UBE2H: variants seen among roughly 807,000 people sequenced by gnomAD.
UBE2H encodes ubiquitin conjugating enzyme E2 H.
In UBE2H, 3 loss-of-function variants were observed where a neutral mutation model predicts 29.0. The observed-to-expected ratio is 0.10, with a 90% CI of 0.05 to 0.27. The LOEUF (loss-of-function observed/expected upper bound fraction) is 0.27. Ranked by LOEUF, UBE2H falls within the 10% of genes least tolerant of loss-of-function variation. UBE2H has a pLI of 1.00. For synonymous variants in UBE2H, 69 were observed against 82.9 expected, an observed-to-expected ratio of 0.83 and a Z score of 0.91; for missense variants, 68 against 228.2, an observed-to-expected ratio of 0.30 and a Z score of 4.52.
chr7:129,938,998 C>G (rs955208676), intron 1 of UBE2H, among the ~76,000 whole-genome samples: 5 of 152,026 alleles, frequency 3.3e-5, no homozygotes, highest in Admixed American at 3.3e-4. Flanking sequence ...GGGGCTTCAC[C>G]ATGTTGGCCA....
At chr7:129,875,707 CT>C (rs1806132547) in intron 3 of UBE2H, among the ~76,000 whole-genome samples, 1 of 152,064 alleles carries the variant, frequency 6.6e-6, no homozygotes, top group Non-Finnish European at 1.5e-5. Context: ...AAAAATTACT[CT>C]GTATTACCCT....
intron 3 of UBE2H, among the ~76,000 whole-genome samples, chr7:129,877,513 A>C (rs1806169143): frequency 6.6e-6 from 1 of 152,186 alleles, no homozygotes; most frequent in Non-Finnish European, 1.5e-5. Flanking sequence ...TCTCTTATGC[A>C]ACCTTCCTCT....
At chr7:129,903,806 T>C (rs909958019) in intron 1 of UBE2H, among the ~76,000 whole-genome samples, 2 of 152,034 alleles carry the variant, frequency 1.3e-5, no homozygotes, top group Non-Finnish European at 2.9e-5. Context: ...CTGAGAAGGC[T>C]GAAATGGGAG....
intron 6 of UBE2H, among the ~76,000 whole-genome samples, chr7:129,836,234 G>A (rs115374457): frequency 3.9e-5 from 6 of 152,230 alleles, no homozygotes; most frequent in South Asian, 2.1e-4. Context: ...ACTATTTTGC[G>A]TCTTCCTTTG....
intron 1 of UBE2H, among the ~76,000 whole-genome samples, chr7:129,916,905 C>T (rs1308136098): frequency 5.3e-5 from 8 of 152,014 alleles, no homozygotes; most frequent in African/African-American, 1.2e-4. Flanking sequence ...GGAGTGGTGG[C>T]GGGCGCCTGT....
chr7:129,883,378 C>T (rs182057873), intron 1 of UBE2H, among the ~76,000 whole-genome samples: 10 of 152,264 alleles, frequency 6.6e-5, no homozygotes, highest in Admixed American at 4.6e-4. Context: ...GCGCTACTCC[C>T]GGAGATACGC....
intron 1 of UBE2H, among the ~76,000 whole-genome samples, chr7:129,890,321 G>GTA (rs1407186812): frequency 6.6e-6 from 1 of 150,486 alleles, no homozygotes; most frequent in Non-Finnish European, 1.5e-5. Flanking sequence ...ATATATGTAT[G>GTA]TATATATACG....
intron 1 of UBE2H, among the ~76,000 whole-genome samples, chr7:129,894,381 C>T (rs1398694527): frequency 6.6e-6 from 1 of 151,536 alleles, no homozygotes; most frequent in African/African-American, 2.4e-5. Context: ...GTCAAGGTTG[C>T]AGTGAACCAT....
At chr7:129,896,046 G>GA (rs1215159397) in intron 1 of UBE2H, among the ~76,000 whole-genome samples, 1 of 151,952 alleles carries the variant, frequency 6.6e-6, no homozygotes, top group Non-Finnish European at 1.5e-5. Context: ...AGTGTTCTTT[G>GA]AAAAATCTTG....
chr7:129,900,773 C>CA (rs1416398690), intron 1 of UBE2H, among the ~76,000 whole-genome samples: 2 of 133,820 alleles, frequency 1.5e-5, no homozygotes, highest in African/African-American at 2.8e-5. Context: ...TTTTTTGAGA[C>CA]AGAGTCTCAC....
At chr7:129,886,767 TAAA>T (rs79067201) in intron 1 of UBE2H, among the ~76,000 whole-genome samples, 7,120 of 72,006 alleles carry the variant, frequency 0.099, 327 homozygotes, top group Middle Eastern at 0.14. Context: ...TGTTTTTTGG[TAAA>T]AAAAAAAAAA....
chr7:129,906,544 G>A (rs1428640090), intron 1 of UBE2H, among the ~76,000 whole-genome samples: 1 of 152,030 alleles, frequency 6.6e-6, no homozygotes. Flanking sequence ...AACCTACAAG[G>A]TATCCTGAGA....
intron 5 of UBE2H, among the ~76,000 whole-genome samples, chr7:129,850,165 G>A (rs912791406): frequency 3.3e-5 from 5 of 151,966 alleles, no homozygotes; most frequent in Non-Finnish European, 5.9e-5. Context: ...CCAGGGGTTC[G>A]AGACCAGCCT....
At chr7:129,952,323 G>A (rs1807894324) in intron 1 of UBE2H, among the ~76,000 whole-genome samples, 180 bp downstream of exon 1, 2 of 152,128 alleles carry the variant, frequency 1.3e-5, no homozygotes, top group Non-Finnish European at 2.9e-5. Context: ...GAAAAGGCGA[G>A]CTGAAAAGGC....
intron 5 of UBE2H, among the ~76,000 whole-genome samples, chr7:129,852,699 T>C (rs957207986): frequency 1.1e-4 from 16 of 152,110 alleles, no homozygotes; most frequent in Admixed American, 2.0e-4. Flanking sequence ...GAAAATTGTC[T>C]TCCACCTCAC....
chr7:129,917,967 A>G (rs1480557717), intron 1 of UBE2H, among the ~76,000 whole-genome samples: 1 of 152,214 alleles, frequency 6.6e-6, no homozygotes, highest in Non-Finnish European at 1.5e-5. Flanking sequence ...ACACGCGAAT[A>G]AGTGCTTACT....
In UBE2H at chr7:129,952,947, C is replaced by G. The variant is rs1209378272; in HGVS notation, c.-392G>C. ...ACTCCTGCTCAGTCGGCCTCCCTAC[C>G]CCAGCCTCGCTCTGGGCGCCGTGAC... On this transcript the variant is annotated 5_prime_UTR_variant, in exon 1 of 7. Transcript: ENST00000355621. 6.3e-6 allele frequency: 1 copy of G among 157,800 alleles called. No homozygotes were observed. 9.8% of individuals were successfully genotyped at this position (157,800 alleles called of 1,614,324 possible).
At chr7:129,946,016 ATG>A (rs1807754423) in intron 1 of UBE2H, among the ~76,000 whole-genome samples, 1 of 150,812 alleles carries the variant, frequency 6.6e-6, no homozygotes, top group African/African-American at 2.4e-5. Flanking sequence ...AAAGTGCTGG[ATG>A]TATAGGCATG....
At chr7:129,840,834 T>C (rs2116270541) in intron 5 of UBE2H, among the ~76,000 whole-genome samples, 1 of 152,338 alleles carries the variant, frequency 6.6e-6, no homozygotes, top group East Asian at 1.9e-4. Context: ...ATTTTGCTTT[T>C]AACAATGGGC....
Sources: gnomAD v4.1 joint callset for allele counts (sites outside exome capture counted in the v4.1 genomes callset) on GRCh38, gnomAD v4.1.1 for gene constraint, MANE v1.5 for transcripts, NCBI Gene and HGNC (gene_info 2026-07-23, HGNC 2026-07-21) for gene names.